The following FBLN1 variants were observed in gnomAD, a reference collection of about 807,000 sequenced individuals.
The protein encoded by FBLN1 is fibulin-1.
FBLN1 carries 34 observed loss-of-function variants against 89.7 expected under a neutral mutation model. The ratio of observed to expected loss-of-function variants is 0.38; its 90% CI spans 0.29 to 0.50. The LOEUF (loss-of-function observed/expected upper bound fraction) is 0.50. FBLN1 is among the 20% of genes least tolerant of loss of function. FBLN1 has a pLI of 0.92. For missense variants in FBLN1, 777 were observed against 988.1 expected (o/e 0.79, Z 2.86); for synonymous variants, 393 against 391.3 (o/e 1.00, Z -0.05).
At position 45,601,133 on chromosome 22, in the gene FBLN1, T is replaced by C. The variant is rs111359271; in HGVS notation, c.*687T>C. 6.4e-6 allele frequency: 1 copy of C among 155,962 alleles called. No individual in the cohort carries two copies. The highest frequency in any genetic ancestry group is 2.4e-5 in the African/African-American group (1 of 41,450). 9.7% of individuals were successfully genotyped at this position (155,962 alleles called of 1,614,324 possible). On this transcript the variant is annotated 3_prime_UTR_variant, in exon 17 of 17. Coordinates refer to ENST00000327858, the MANE Select transcript of FBLN1 (RefSeq NM_006486.3). ...AAAATAAACAACTTTGTGATCCTCC[T>C]GATGGCCTGTGCATGAGAGTCTTTC... is the stretch of plus-strand genomic sequence containing the variant.
intron 14 of FBLN1, among the ~76,000 whole-genome samples, chr22:45,568,509 CCTTCTGTAGGGGAATGCCT>C (rs1427840323): frequency 9.9e-4 from 104 of 105,072 alleles, no homozygotes; most frequent in Middle Eastern, 4.8e-3. Flanking sequence ...GGGGAGTGCT[CCTTCTGTAGGGGAATGCCT>C]CTTCTGTAGG....
chr22:45,599,980 C>G (rs571610024), intron 16 of FBLN1, among the ~76,000 whole-genome samples: 1 of 152,170 alleles, frequency 6.6e-6, no homozygotes, highest in Non-Finnish European at 1.5e-5. Context: ...AAAACCTGGG[C>G]TCAGAAGCTG....
chr22:45,554,993 TCCA>T (rs1346964052), intron 14 of FBLN1, among the ~76,000 whole-genome samples: 2 of 149,588 alleles, frequency 1.3e-5, no homozygotes, highest in East Asian at 3.9e-4. Flanking sequence ...CGTCCCCGTC[TCCA>T]CCACAGGAAG....
At position 45,518,770 on chromosome 22, in the gene FBLN1, G is replaced by C; in HGVS notation, c.168G>C (p.Thr56=). 1.2e-6 allele frequency: 2 copies of C among 1,610,900 alleles called. No individual in the cohort carries two copies. Among genetic ancestry groups the C allele is most frequent in the Non-Finnish European group, 1.7e-6 (2 of 1,178,658 alleles). ...HQKDCSLPYA[T]ESKECRMVQE... ...AGGACTGCTCGCTGCCATATGCTACGGAATCCAAAGAATGCAGGTACGTTT... is the reference window on the plus strand; with the variant it reads ...AGGACTGCTCGCTGCCATATGCTACCGAATCCAAAGAATGCAGGTACGTTT... Residue 56 remains threonine (T), a synonymous_variant, in exon 2 of 17, where the codon ACG becomes ACC. Coordinates refer to ENST00000327858, the MANE Select transcript of FBLN1 (RefSeq NM_006486.3).
At chr22:45,523,320 C>T in intron 2 of FBLN1, 1 of 567,886 alleles carries the variant, frequency 1.8e-6, no homozygotes, top group Non-Finnish European at 3.2e-6. Flanking sequence ...GAGATAGAGG[C>T]TGGGGTGTTG....
Position 45,536,704 on chromosome 22 carries a change from G to A in FBLN1, c.922+1367G>A, listed in dbSNP as rs2146973122. On this transcript the variant is annotated intron_variant, in intron 8 of 16. Transcript: ENST00000327858. The surrounding 1 kb of genome is among the most constrained non-coding windows in gnomAD (Gnocchi z 5.1). ...CGCTTGAGCCTGGGAGGCAGAGGTT[G>A]CAGTGAGCTGAGATCACGCCACTGT... Among the ~76,000 whole-genome samples the A allele has an allele frequency of 6.6e-6, 1 of 152,176 alleles. No homozygotes were observed. Among genetic ancestry groups the A allele is most frequent in the East Asian group, 1.9e-4 (1 of 5,180 alleles).
intron 1 of FBLN1, among the ~76,000 whole-genome samples, chr22:45,506,477 T>C (rs953254291): frequency 6.6e-6 from 1 of 152,138 alleles, no homozygotes; most frequent in African/African-American, 2.4e-5. Flanking sequence ...TTCCCCCTCA[T>C]GCAACTAGGA....
intron 9 of FBLN1, 140 bp from the exon 10 acceptor site, chr22:45,542,015 G>A: frequency 7.7e-7 from 1 of 1,297,922 alleles, no homozygotes; most frequent in Non-Finnish European, 1.1e-6. Flanking sequence ...GCACTCAGTA[G>A]GTGCTCTGTG....
chr22:45,570,355 G>GAAAAGA (rs1569260993), intron 14 of FBLN1, among the ~76,000 whole-genome samples: 2 of 108,636 alleles, frequency 1.8e-5, no homozygotes, highest in African/African-American at 3.9e-5. Flanking sequence ...GAAAAGAAAA[G>GAAAAGA]AAAAAAAAAA....
chr22:45,519,891 C>T (rs113631989), intron 2 of FBLN1, among the ~76,000 whole-genome samples: 114 of 152,070 alleles, frequency 7.5e-4, no homozygotes, highest in African/African-American at 2.1e-3. Flanking sequence ...AGAGATCACC[C>T]GGGCGCGGTG....
intron 16 of FBLN1, among the ~76,000 whole-genome samples, chr22:45,595,989 C>T (rs1355609042): frequency 1.3e-5 from 2 of 152,206 alleles, no homozygotes; most frequent in Admixed American, 1.3e-4. Flanking sequence ...CCTGCCTCAG[C>T]CTCCTGAGTA....
intron 8 of FBLN1, among the ~76,000 whole-genome samples, chr22:45,538,877 C>G (rs1371199458): frequency 1.3e-5 from 2 of 152,154 alleles, no homozygotes; most frequent in Non-Finnish European, 2.9e-5. Context: ...AGAGCTCTTC[C>G]TGCAGAGCTA....
intron 1 of FBLN1, among the ~76,000 whole-genome samples, chr22:45,506,341 G>A (rs13054611): frequency 0.037 from 5,688 of 152,332 alleles, 154 homozygotes; most frequent in Non-Finnish European, 0.057. Context: ...AGTCGTCAGT[G>A]CCAAACCCGT....
chr22:45,592,591 G>A (rs761166931), intron 16 of FBLN1, among the ~76,000 whole-genome samples: 2 of 152,212 alleles, frequency 1.3e-5, no homozygotes, highest in Non-Finnish European at 2.9e-5. Context: ...GCCTCCCAAA[G>A]TGCTGGGATG....
intron 16 of FBLN1, among the ~76,000 whole-genome samples, chr22:45,592,019 G>T (rs560697890): frequency 4.0e-5 from 6 of 151,710 alleles, no homozygotes; most frequent in Non-Finnish European, 7.4e-5. Context: ...GCGCCATTTT[G>T]CAGACAGGAG....
chr22:45,578,805 T>C lies in FBLN1; in HGVS notation c.1972+1697T>C, dbSNP rs142731268. Among the ~76,000 whole-genome samples the C allele has an allele frequency of 3.2e-4, 48 of 152,322 alleles. No homozygotes were observed. The highest frequency in any genetic ancestry group is 1.0e-3 in the African/African-American group (42 of 41,572). On this transcript the variant is annotated intron_variant, in intron 16 of 16. Transcript: ENST00000327858. The surrounding 1 kb of genome is among the most constrained non-coding windows in gnomAD (Gnocchi z 4.6). ...CATGGGAGTTTGGAATCCTAGGACCTTCTAGTTCACTCACTCATTCTTTCC... is the reference window on the plus strand; with the variant it reads ...CATGGGAGTTTGGAATCCTAGGACCCTCTAGTTCACTCACTCATTCTTTCC...
chr22:45,581,604 G>C lies in FBLN1; in HGVS notation c.1972+4496G>C, dbSNP rs1352516930. 6.6e-6 allele frequency among the ~76,000 whole-genome samples: 1 copy of C among 152,110 alleles called. No individual in the cohort carries two copies. Among genetic ancestry groups the C allele is most frequent in the East Asian group, 1.9e-4 (1 of 5,166 alleles). ...GACGAATTTTGCATGTGGACCTCCT[G>C]ACCCTTGGGCCTCCCGGGTTGCAGG... On this transcript the variant is annotated intron_variant, in intron 16 of 16. Coordinates refer to ENST00000327858, the MANE Select transcript of FBLN1 (RefSeq NM_006486.3). This position sits in a 1 kb window ranked among gnomAD's most constrained non-coding sequence, Gnocchi z 7.6.
intron 1 of FBLN1, among the ~76,000 whole-genome samples, chr22:45,508,684 G>T (rs1011628107): frequency 4.6e-5 from 7 of 152,188 alleles, no homozygotes; most frequent in African/African-American, 1.7e-4. Context: ...TCTGAAGCCT[G>T]CCTCTGCAGA....
Position 45,556,370 on chromosome 22 carries a change from GCTGGTATTGATGA to G in FBLN1, c.1697+5759_1697+5771del, listed in dbSNP as rs2088788304. ...TCTGCAACTGGTCACATGGCTCGTA[GCTGGTATTGATGA>G]CTGCCTTCTTCTACTACCCATTCTG... On this transcript the variant is annotated intron_variant, in intron 14 of 16. Coordinates refer to ENST00000327858, the MANE Select transcript of FBLN1 (RefSeq NM_006486.3). This position sits in a 1 kb window ranked among gnomAD's most constrained non-coding sequence, Gnocchi z 4.6. 6.6e-6 allele frequency among the ~76,000 whole-genome samples: 1 copy of G among 152,042 alleles called. No homozygotes were observed. The highest frequency in any genetic ancestry group is 1.5e-5 in the Non-Finnish European group (1 of 68,030).
Sources: gnomAD v4.1 joint callset for allele counts (sites outside exome capture counted in the v4.1 genomes callset) on GRCh38, gnomAD v4.1.1 for gene constraint, Gnocchi (gnomAD v3.1) non-coding constraint, MANE v1.5 for transcripts, NCBI Gene and HGNC (gene_info 2026-07-23, HGNC 2026-07-21) for gene names.